The following PKD1 variants were observed in gnomAD, a reference collection of about 807,000 sequenced individuals.
PKD1 encodes polycystin 1, transient receptor potential channel interacting.
In PKD1, 81 loss-of-function variants were observed where a neutral mutation model predicts 361.7. The ratio of observed to expected loss-of-function variants is 0.22; its 90% CI spans 0.19 to 0.27. PKD1 has a LOEUF of 0.27. Ranked by LOEUF, PKD1 falls within the 10% of genes least tolerant of loss-of-function variation. PKD1 has a pLI of 1.00. For missense variants in PKD1, 6,399 were observed against 6,118.3 expected (o/e 1.05, Z -1.53); for synonymous variants, 3,615 against 2,818.3 (o/e 1.28, Z -8.95).
At chr16:2,115,945 G>A (rs374470996) in intron 9 of PKD1, 47 bp downstream of exon 9, 31 of 1,535,602 alleles carry the variant, frequency 2.0e-5, no homozygotes, top group African/African-American at 7.0e-5. Flanking sequence ...AGGCCACCCC[G>A]AGTCCTGCGG....
chr16:2,105,282 C>T (rs1330468271), intron 21 of PKD1, 40 bp downstream of exon 21: 1 of 1,587,262 alleles, frequency 6.3e-7, no homozygotes, highest in Non-Finnish European at 8.5e-7. Flanking sequence ...AGTGCCCTGG[C>T]AGGCATGCGG....
In PKD1 at chr16:2,107,866, G is replaced by A. The variant is rs1289906744; in HGVS notation, c.7065+17C>T. ...GGGCTGTCCAAGGCAAGTGGCCGAGGGGCGGGCGGCACCCACCGTCTGGTT... is the reference window on the plus strand; with the variant it reads ...GGGCTGTCCAAGGCAAGTGGCCGAGAGGCGGGCGGCACCCACCGTCTGGTT... On this transcript the variant is annotated intron_variant, in intron 16 of 45. Coordinates refer to ENST00000262304, the MANE Select transcript of PKD1 (RefSeq NM_001009944.3). 5 of 1,542,078 alleles carry A rather than the reference G, an allele frequency of 3.2e-6. No homozygotes were observed. The Admixed American group carries it at 5.9e-5, about 18-fold the overall frequency.
Position 2,119,287 on chromosome 16 carries a change from C to T in PKD1, c.287+20G>A. On this transcript the variant is annotated intron_variant, in intron 2 of 45. Transcript: ENST00000262304. ...ACCCGGAGTGAGCCCCGCATGCTGG[C>T]ACGACTGGGGGACACTCACAGCTCT... is the stretch of plus-strand genomic sequence containing the variant. The T allele has an allele frequency of 9.2e-7, 1 of 1,090,018 alleles. No homozygotes were observed. 67.5% of individuals were successfully genotyped at this position (1,090,018 alleles called of 1,614,324 possible). A position where few individuals can be genotyped will look rare whatever the true frequency, so the allele number is the denominator to read the frequency against.
At position 2,118,060 on chromosome 16, in the gene PKD1, G is replaced by A. The variant is rs1342083015; in HGVS notation, c.932C>T (p.Ser311Phe). 5 of 1,605,422 alleles carry A rather than the reference G, an allele frequency of 3.1e-6. No individual in the cohort carries two copies. The South Asian group carries it at 3.3e-5, about 11-fold the overall frequency. ...CGGCCCAGCGGCATCCACCTCGGCG[G>A]AGCCGTCTCCGAAGTCCCAGCGTGT... is the stretch of plus-strand genomic sequence containing the variant. ...TATRWDFGDG[S>F]AEVDAAGPAA... is the part of the protein sequence containing the mutation. Residue 311 changes from serine to phenylalanine, a missense_variant, in exon 5 of 46, where the codon TCC becomes TTC. Coordinates refer to ENST00000262304, the MANE Select transcript of PKD1 (RefSeq NM_001009944.3). This position sits in a 1 kb window ranked among gnomAD's most constrained non-coding sequence, Gnocchi z 6.0.
At chr16:2,105,715 G>A (rs2151768842) in intron 20 of PKD1, 150 bp downstream of exon 20, 3 of 1,286,034 alleles carry the variant, frequency 2.3e-6, no homozygotes, top group East Asian at 2.5e-5. Context: ...TGGCTGCTGG[G>A]AGCGGAAGGT....
At position 2,109,039 on chromosome 16, in the gene PKD1, A is replaced by G; in HGVS notation, c.6128T>C (p.Phe2043Ser). Residue 2043 changes from phenylalanine (F) to serine (S), a missense_variant, in exon 15 of 46, where the codon TTC becomes TCC. Coordinates refer to ENST00000262304, the MANE Select transcript of PKD1 (RefSeq NM_001009944.3). ...AGLLEIQVRAFNALGSENRTL... is the reference protein window; with the variant it reads ...AGLLEIQVRASNALGSENRTL... ...GCGGTTCTCACTGCCCAGGGCGTTG[A>G]AGGCGCGCACCTGGATCTCCAACAG... 1.2e-6 allele frequency: 2 copies of G among 1,608,740 alleles called. No individual in the cohort carries two copies. The highest frequency in any genetic ancestry group is 8.5e-7 in the Non-Finnish European group (1 of 1,177,488).
Position 2,099,667 on chromosome 16 carries a change from G to C in PKD1, c.10027C>G (p.Leu3343Val), listed in dbSNP as rs1158465434. 1 of 1,594,242 alleles carries C rather than the reference G, an allele frequency of 6.3e-7. No homozygotes were observed. The highest frequency in any genetic ancestry group is 8.5e-7 in the Non-Finnish European group (1 of 1,178,086). ...VYPVYLAILFLFRMSRSKVAG... is the reference protein window; with the variant it reads ...VYPVYLAILFVFRMSRSKVAG... ...ACCTTGCTCCGGGACATCCGGAAGAGAAAAAGGATGGCCAGGTAGACGGGA... is the reference window on the plus strand; with the variant it reads ...ACCTTGCTCCGGGACATCCGGAAGACAAAAAGGATGGCCAGGTAGACGGGA... The change falls in exon 30 of 46, where the codon CTC (leucine) becomes GTC (valine). Residue 3343 changes from leucine to valine, a missense_variant. By Grantham distance (32) the Leu-to-Val change is conservative. Transcript: ENST00000262304.
chr16:2,114,620 C>T lies in PKD1; in HGVS notation c.2403G>A (p.Glu801=). 6.3e-7 allele frequency: 1 copy of T among 1,576,518 alleles called. No individual in the cohort carries two copies. The highest frequency in any genetic ancestry group is 1.1e-5 in the South Asian group (1 of 88,098). ...TGTGCCTGGACACGCCATTGCCCAC[C>T]TCTGCCCGGACCTCATAGCGCCCAG... ...RLPGRYEVRA[E]VGNGVSRHNL... is the part of the protein sequence containing the mutation. The change falls in exon 11 of 46, where the codon GAG becomes GAA. Residue 801 remains glutamate, a synonymous_variant. Coordinates refer to ENST00000262304, the MANE Select transcript of PKD1 (RefSeq NM_001009944.3).
chr16:2,114,721 C>T lies in PKD1; in HGVS notation c.2302G>A (p.Ala768Thr). 6.5e-7 allele frequency: 1 copy of T among 1,532,664 alleles called. No individual in the cohort carries two copies. The highest frequency in any genetic ancestry group is 2.0e-5 in the Admixed American group (1 of 50,996). The allele number at this position is 1,532,664 out of a possible 1,614,324, so 94.9% of individuals were successfully genotyped here. A position where few individuals can be genotyped will look rare whatever the true frequency, so the allele number is the denominator to read the frequency against. ...TCCGTGGCTGCAAGCAGCCGCAGGG[C>T]ACAGGCAGGGCAGGCCCAAGTGCCC... ...LEGTWACPAC[A>T]LRLLAATEQL... Residue 768 changes from alanine to threonine, a missense_variant, in exon 11 of 46, where the codon GCC (alanine) becomes ACC (threonine). Ala to Thr is a moderately conservative substitution (Grantham distance 58). Coordinates refer to ENST00000262304, the MANE Select transcript of PKD1 (RefSeq NM_001009944.3).
At chr16:2,124,134 G>A (rs985519471) in intron 1 of PKD1, among the ~76,000 whole-genome samples, 1 of 152,212 alleles carries the variant, frequency 6.6e-6, no homozygotes, top group Non-Finnish European at 1.5e-5. Context: ...TGGAGCAGGA[G>A]CAGCAACAGC....
At chr16:2,108,079 G>A in intron 15 of PKD1, 47 bp from the exon 16 acceptor site, 5 of 1,585,594 alleles carry the variant, frequency 3.2e-6, no homozygotes, top group Non-Finnish European at 3.4e-6. Flanking sequence ...GCCCCATCCA[G>A]TTTTAAAGCA....
chr16:2,091,671 G>T, intron 41 of PKD1, 74 bp from the exon 42 acceptor site: 1 of 1,560,600 alleles, frequency 6.4e-7, no homozygotes, highest in South Asian at 1.2e-5. Flanking sequence ...TGCAGGCGTG[G>T]CTGAGGGGCT....
Position 2,109,158 on chromosome 16 carries a change from G to A in PKD1, c.6009C>T (p.Ala2003=), listed in dbSNP as rs1285154479. 2.5e-6 allele frequency: 4 copies of A among 1,601,458 alleles called. No individual in the cohort carries two copies. Among genetic ancestry groups the A allele is most frequent in the Admixed American group, 1.7e-5 (1 of 59,860 alleles). The change falls in exon 15 of 46, where the codon GCC becomes GCT. Residue 2003 remains alanine (A), a synonymous_variant. Transcript: ENST00000262304. The part of the protein sequence containing the change: ...TARVQRGSRV[A]YAWYFSLQKV... ...TCTGCAGCGAGAAGTACCAGGCGTA[G>A]GCGACCCGAGAGCCGCGCTGCACGC...
intron 33 of PKD1, 33 bp downstream of exon 33, chr16:2,097,286 G>C: frequency 6.2e-7 from 1 of 1,610,026 alleles, no homozygotes; most frequent in Non-Finnish European, 8.5e-7. Context: ...GCAAGGGTGA[G>C]CTTCAGAGCC....
chr16:2,092,429 C>T (rs1226216025), intron 39 of PKD1, 51 bp downstream of exon 39: 3 of 1,303,328 alleles, frequency 2.3e-6, no homozygotes, highest in Non-Finnish European at 3.3e-6. Flanking sequence ...AAAGGCTGCT[C>T]TCTCAACAAG....
Position 2,108,901 on chromosome 16 carries a change from C to G in PKD1, c.6266G>C (p.Arg2089Pro). The change falls in exon 15 of 46, where the codon CGT (arginine) becomes CCT (proline). Residue 2089 changes from arginine to proline, a missense_variant. By Grantham distance (103) the Arg-to-Pro change is moderately radical. Coordinates refer to ENST00000262304, the MANE Select transcript of PKD1 (RefSeq NM_001009944.3). The part of the protein sequence containing the change: ...FEAATSPSPR[R>P]VAYHWDFGDG... ...CCCAAAGTCCCAGTGGTAGGCCACA[C>G]GCCGGGGGCTGGGGCTGGTGGCGGC... The G allele has an allele frequency of 6.3e-7, 1 of 1,582,514 alleles. No individual in the cohort carries two copies. Among genetic ancestry groups the G allele is most frequent in the South Asian group, 1.1e-5 (1 of 87,610 alleles).
At position 2,118,945 on chromosome 16, in the gene PKD1, G is replaced by A. The variant is rs892350559; in HGVS notation, c.360-100C>T. On this transcript the variant is annotated intron_variant, in intron 3 of 45. Transcript: ENST00000262304. The surrounding 1 kb of genome is among the most constrained non-coding windows in gnomAD (Gnocchi z 6.0). ...GCCCTGGAGCCACCCTGACAGCACC[G>A]CCTCCCCTGCCCCAACCAAGCCGGC... The A allele has an allele frequency of 2.2e-5, 16 of 714,692 alleles. No individual in the cohort carries two copies. The African/African-American group carries it at 2.6e-4, about 12-fold the overall frequency. The allele number at this position is 714,692 out of a possible 1,614,324, so 44.3% of individuals were successfully genotyped here.
chr16:2,121,367 T>C (rs1047433561), intron 1 of PKD1, among the ~76,000 whole-genome samples: 2 of 145,234 alleles, frequency 1.4e-5, no homozygotes. Flanking sequence ...AAGCTCCATC[T>C]CAAAAAATAA....
chr16:2,126,483 G>A (rs1411936405), intron 1 of PKD1, among the ~76,000 whole-genome samples: 1 of 152,284 alleles, frequency 6.6e-6, no homozygotes, highest in East Asian at 1.9e-4. Context: ...CAGTGCCTGG[G>A]CACCCTGGCC....
Sources: allele counts gnomAD v4.1 joint callset (sites outside exome capture counted in the v4.1 genomes callset), GRCh38; gene constraint gnomAD v4.1.1; non-coding constraint Gnocchi (gnomAD v3.1); transcripts MANE v1.5; gene names NCBI Gene and HGNC (gene_info 2026-07-23, HGNC 2026-07-21).